Variants in ADGRG6 observed in about 807,000 individuals in gnomAD.
ADGRG6 encodes the protein adhesion G protein-coupled receptor G6.
A neutral mutation model predicts 142.4 loss-of-function variants in ADGRG6; 84 were observed. The ratio of observed to expected loss-of-function variants is 0.59; its 90% confidence interval spans 0.49 to 0.71. The LOEUF (loss-of-function observed/expected upper bound fraction) is 0.71, where lower values mean the gene tolerates loss of function less well. Ranked by LOEUF, ADGRG6 falls within the 30% of genes least tolerant of loss-of-function variation. The pLI is 0.00. For missense variants in ADGRG6, 1,367 were observed against 1,466.6 expected (o/e 0.93, Z 1.11); for synonymous variants, 521 against 520.5 (o/e 1.00, Z -0.01).
intron 1 of ADGRG6, 114 bp downstream of exon 1, chr6:142,302,445 A>G (rs908491887): frequency 8.9e-6 from 10 of 1,119,344 alleles, no homozygotes; most frequent in Admixed American, 6.8e-5. Context: ...AAGGACTTCA[A>G]CTGCACGGAG....
At chr6:142,346,105 C>A (rs992049495) in intron 2 of ADGRG6, among the ~76,000 whole-genome samples, 1 of 152,010 alleles carries the variant, frequency 6.6e-6, no homozygotes, top group African/African-American at 2.4e-5. Context: ...CTAATAAAAC[C>A]TTCCTGAGAC....
Position 142,393,943 on chromosome 6 carries a change from T to C in ADGRG6, c.1409T>C (p.Leu470Pro). 1 of 1,560,570 alleles carries C rather than the reference T, an allele frequency of 6.4e-7. No individual in the cohort carries two copies. Among genetic ancestry groups the C allele is most frequent in the Non-Finnish European group, 8.7e-7 (1 of 1,149,130 alleles). The change falls in exon 9 of 25, where the codon CTT (leucine) becomes CCT (proline). Residue 470 changes from leucine to proline, a missense_variant. This residue lies in a region of ADGRG6 where 737 missense variants were observed against 746.5 expected (regional missense o/e 0.99). Transcript: ENST00000367609. ...GACAAGATTAAAGTCAAGAGAAGCCTTGAGGATGAGCCAAGGTAACAGGAC... is the reference window on the plus strand; with the variant it reads ...GACAAGATTAAAGTCAAGAGAAGCCCTGAGGATGAGCCAAGGTAACAGGAC... ...GEDKIKVKRS[L>P]EDEPRLVLWA... is the part of the protein sequence containing the mutation.
chr6:142,440,034 G>T (rs190488235), intron 24 of ADGRG6, among the ~76,000 whole-genome samples: 2 of 152,164 alleles, frequency 1.3e-5, no homozygotes, highest in Admixed American at 1.3e-4. Flanking sequence ...CAAATGAATT[G>T]CTTTCCTCTT....
At chr6:142,372,459 T>G (rs1178292002) in intron 4 of ADGRG6, among the ~76,000 whole-genome samples, 1 of 152,200 alleles carries the variant, frequency 6.6e-6, no homozygotes, top group Non-Finnish European at 1.5e-5. Context: ...CTCAGACCCA[T>G]GCCTGCCCTT....
At chr6:142,336,812 C>T (rs1415168230) in intron 2 of ADGRG6, among the ~76,000 whole-genome samples, 1 of 152,186 alleles carries the variant, frequency 6.6e-6, no homozygotes, top group Non-Finnish European at 1.5e-5. Context: ...CTTATAAGTA[C>T]TCGATCTCAG....
chr6:142,321,705 G>A (rs1329467161), intron 2 of ADGRG6, among the ~76,000 whole-genome samples: 4 of 152,020 alleles, frequency 2.6e-5, no homozygotes, highest in African/African-American at 7.2e-5. Context: ...GGACTGGAAG[G>A]AGATATGGTA....
intron 4 of ADGRG6, among the ~76,000 whole-genome samples, chr6:142,371,378 G>A (rs1264736741): frequency 6.6e-6 from 1 of 151,872 alleles, no homozygotes; most frequent in African/African-American, 2.4e-5. Flanking sequence ...TGTTGGCTAG[G>A]CTGGTCTCAA....
chr6:142,321,286 TACAC>T lies in ADGRG6; in HGVS notation c.103+11665_103+11668del, dbSNP rs10632214. Among the ~76,000 whole-genome samples, 28 of 147,872 alleles carry T rather than the reference TACAC, an allele frequency of 1.9e-4. No homozygotes were observed. In the South Asian group the frequency reaches 2.6e-3, roughly 14 times the overall value. ...TTATGTTTCCAAAAATAAGCATGCATACACACACACACACACACACACACACGTG... is the reference window on the plus strand; with the variant it reads ...TTATGTTTCCAAAAATAAGCATGCATACACACACACACACACACACACGTG... On this transcript the variant is annotated intron_variant, in intron 2 of 24. Coordinates refer to ENST00000367609, the MANE Select transcript of ADGRG6 (RefSeq NM_198569.3).
chr6:142,436,959 A>G (rs1777515738), intron 22 of ADGRG6, among the ~76,000 whole-genome samples: 2 of 152,240 alleles, frequency 1.3e-5, no homozygotes, highest in Admixed American at 1.3e-4. Flanking sequence ...CTATGGCCCA[A>G]GCTAATATAC....
At chr6:142,396,432 A>T (rs997355155) in intron 9 of ADGRG6, among the ~76,000 whole-genome samples, 2 of 152,256 alleles carry the variant, frequency 1.3e-5, no homozygotes, top group South Asian at 4.1e-4. Flanking sequence ...TGAAATTAGC[A>T]CAGATATTTA....
intron 2 of ADGRG6, among the ~76,000 whole-genome samples, chr6:142,347,594 A>G (rs1779969090): frequency 6.6e-6 from 1 of 152,028 alleles, no homozygotes; most frequent in Non-Finnish European, 1.5e-5. Flanking sequence ...ATTTGCTTGG[A>G]TTTTTGTAGT....
At chr6:142,317,781 T>TTTATATATAATATATATATTATATATA (rs1491380902) in intron 2 of ADGRG6, among the ~76,000 whole-genome samples, 8 of 97,316 alleles carry the variant, frequency 8.2e-5, no homozygotes, top group African/African-American at 3.5e-4. Context: ...ATCATATATA[T>TTTATATATAATATATATATTATATATA]TTATATATAA....
intron 17 of ADGRG6, among the ~76,000 whole-genome samples, chr6:142,410,955 A>G (rs1006642334): frequency 3.5e-5 from 2 of 56,634 alleles, no homozygotes; most frequent in Non-Finnish European, 6.0e-5. Flanking sequence ...TAACCCTCAG[A>G]AAAAATTGTT....
chr6:142,347,399 A>G (rs1404355187), intron 2 of ADGRG6, among the ~76,000 whole-genome samples: 2 of 152,232 alleles, frequency 1.3e-5, no homozygotes, highest in East Asian at 3.8e-4. Flanking sequence ...TTGATATATA[A>G]TGAGAAATAT....
intron 1 of ADGRG6, among the ~76,000 whole-genome samples, chr6:142,304,654 T>A (rs1165962369): frequency 6.6e-6 from 1 of 152,216 alleles, no homozygotes; most frequent in East Asian, 1.9e-4. Context: ...ATTTTTCTAA[T>A]GGCCTATATA....
chr6:142,355,708 C>G (rs1292104480), intron 2 of ADGRG6, among the ~76,000 whole-genome samples: 1 of 151,918 alleles, frequency 6.6e-6, no homozygotes, highest in Non-Finnish European at 1.5e-5. Context: ...CCCTGTAGAC[C>G]ACCCAGCCCA....
intron 22 of ADGRG6, among the ~76,000 whole-genome samples, chr6:142,425,620 G>T (rs997175771): frequency 6.6e-6 from 1 of 152,142 alleles, no homozygotes; most frequent in Non-Finnish European, 1.5e-5. Context: ...CTTAAAGTCA[G>T]CAGGGTCACC....
At chr6:142,327,030 A>G (rs1778811758) in intron 2 of ADGRG6, among the ~76,000 whole-genome samples, 1 of 152,122 alleles carries the variant, frequency 6.6e-6, no homozygotes, top group African/African-American at 2.4e-5. Flanking sequence ...AGTACCCAAG[A>G]TAATTTCTCA....
At chr6:142,351,597 A>G (rs1175832896) in intron 2 of ADGRG6, among the ~76,000 whole-genome samples, 1 of 152,152 alleles carries the variant, frequency 6.6e-6, no homozygotes, top group Non-Finnish European at 1.5e-5. Flanking sequence ...AATTATAAAA[A>G]CCCTGGAAGA....
Sources: allele counts gnomAD v4.1 joint callset (sites outside exome capture counted in the v4.1 genomes callset), GRCh38; gene constraint gnomAD v4.1.1; regional missense constraint gnomAD v4.1.1; transcripts MANE v1.5; gene names NCBI Gene and HGNC (gene_info 2026-07-23, HGNC 2026-07-21).